Variants in AUTS2 observed in about 807,000 individuals in gnomAD.
AUTS2 encodes autism susceptibility gene 2 protein.
AUTS2 carries 17 observed loss-of-function variants against 112.4 expected under a neutral mutation model. That is an observed-to-expected ratio of 0.15 (90% confidence interval 0.10 to 0.23). The LOEUF (loss-of-function observed/expected upper bound fraction) is 0.23, where lower values mean the gene tolerates loss of function less well. Among genes scored for constraint, AUTS2 ranks in the 10% least tolerant of loss-of-function variants. AUTS2 has a pLI of 1.00. For synonymous variants in AUTS2, 751 were observed against 702.7 expected, an observed-to-expected ratio of 1.07 and a Z score of -1.09; for missense variants, 1,510 against 1,701.6, an observed-to-expected ratio of 0.89 and a Z score of 1.98.
chr7:70,064,389 C>T (rs1055343965), intron 2 of AUTS2, among the ~76,000 whole-genome samples: 8 of 152,160 alleles, frequency 5.3e-5, no homozygotes, highest in African/African-American at 9.7e-5. Flanking sequence ...AGAAATAGCA[C>T]CTTTAACTGG....
intron 3 of AUTS2, chr7:70,118,791 A>T (rs2129572765): frequency 6.6e-6 from 1 of 152,296 alleles, no homozygotes; most frequent in South Asian, 2.1e-4. Flanking sequence ...AAATAAATAA[A>T]TTCCCGTTGG....
intron 5 of AUTS2, among the ~76,000 whole-genome samples, chr7:70,649,499 A>ATTTT (rs371826088): frequency 3.6e-4 from 42 of 116,042 alleles, no homozygotes; most frequent in Non-Finnish European, 6.0e-4. Context: ...GTGGTGATTT[A>ATTTT]TTTTATTTAT....
intron 1 of AUTS2, among the ~76,000 whole-genome samples, chr7:69,710,039 G>C (rs1284222091): frequency 6.6e-6 from 1 of 152,068 alleles, no homozygotes; most frequent in Non-Finnish European, 1.5e-5. Context: ...TTTACTACTT[G>C]GGAGACTCTT....
intron 2 of AUTS2, among the ~76,000 whole-genome samples, chr7:70,031,046 A>G (rs966364174): frequency 2.0e-5 from 3 of 152,142 alleles, no homozygotes; most frequent in African/African-American, 7.2e-5. Context: ...GAAAGAAAGA[A>G]AGGGAGGGAG....
chr7:70,719,996 A>T (rs1810576965), intron 6 of AUTS2, among the ~76,000 whole-genome samples: 1 of 152,188 alleles, frequency 6.6e-6, no homozygotes, highest in South Asian at 2.1e-4. Flanking sequence ...CACAAGTACA[A>T]GCATCTCTTT....
chr7:70,098,706 CT>C (rs1248247686), intron 2 of AUTS2, among the ~76,000 whole-genome samples: 146 of 142,498 alleles, frequency 1.0e-3, no homozygotes, highest in Non-Finnish European at 1.1e-3. Context: ...TTTTTCTTTT[CT>C]TTTTTTTTTT....
intron 2 of AUTS2, among the ~76,000 whole-genome samples, chr7:69,982,232 C>G (rs942717994): frequency 6.6e-6 from 1 of 152,122 alleles, no homozygotes; most frequent in Non-Finnish European, 1.5e-5. Context: ...TTCTTCTTGA[C>G]TGCTCTGCTA....
rs574668057 is a variant in AUTS2 at position 70,663,160 on chromosome 7, C to T, written c.691-35409C>T. 4.6e-5 allele frequency among the ~76,000 whole-genome samples: 7 copies of T among 152,186 alleles called. No homozygotes were observed. The South Asian group carries it at 8.3e-4, about 18-fold the overall frequency. On this transcript the variant is annotated intron_variant, in intron 5 of 18. Transcript: ENST00000342771. ...CTGTAATCCCAGCACTTTGGGAGGC[C>T]GAGGCAGGCGGATCACTTGAGGCCA... is the stretch of plus-strand genomic sequence containing the variant.
At chr7:70,120,268 A>G (rs1379759592) in intron 3 of AUTS2, 4 of 152,200 alleles carry the variant, frequency 2.6e-5, no homozygotes, top group African/African-American at 9.6e-5. Flanking sequence ...GGAATAAAGT[A>G]TAATTATTTT....
intron 5 of AUTS2, among the ~76,000 whole-genome samples, chr7:70,611,950 C>A (rs539162996): frequency 6.6e-6 from 1 of 152,232 alleles, no homozygotes; most frequent in African/African-American, 2.4e-5. Flanking sequence ...ACAAAGGGGG[C>A]CTTAGAAATG....
chr7:70,030,518 A>G (rs1488604367), intron 2 of AUTS2, among the ~76,000 whole-genome samples: 1 of 152,152 alleles, frequency 6.6e-6, no homozygotes, highest in Non-Finnish European at 1.5e-5. Context: ...ATTCTCAGAT[A>G]TGCAAAACAG....
chr7:70,169,739 A>G (rs929725342), intron 4 of AUTS2, among the ~76,000 whole-genome samples: 3 of 152,164 alleles, frequency 2.0e-5, no homozygotes, highest in African/African-American at 7.2e-5. Flanking sequence ...AATGCCTCAA[A>G]CTCATTTAAA....
rs1014188084 is a variant in AUTS2, at chr7:69,599,585, AT to A, written c.-60del. Reference sequence around the variant, plus strand: ...AAGGGGGAGGGAGGGCTCGGTGTCAATTTTTTTTTGTGTGGCTGCGGCCGTA... The same window carrying A: ...AAGGGGGAGGGAGGGCTCGGTGTCAATTTTTTTTGTGTGGCTGCGGCCGTA... On this transcript the variant is annotated 5_prime_UTR_variant, in exon 1 of 19. Transcript: ENST00000342771. The surrounding 1 kb of genome is among the most constrained non-coding windows in gnomAD (Gnocchi z 7.0). 2.7e-4 allele frequency: 323 copies of A among 1,211,432 alleles called. No individual in the cohort carries two copies. Among genetic ancestry groups the A allele is most frequent in the Middle Eastern group, 1.6e-3 (5 of 3,170 alleles). 75.0% of individuals were successfully genotyped at this position (1,211,432 alleles called of 1,614,324 possible). A position where few individuals can be genotyped will look rare whatever the true frequency, so the allele number is the denominator to read the frequency against.
At chr7:70,571,735 A>T (rs1197014914) in intron 5 of AUTS2, among the ~76,000 whole-genome samples, 2 of 152,180 alleles carry the variant, frequency 1.3e-5, no homozygotes, top group Non-Finnish European at 2.9e-5. Flanking sequence ...CCCAGCTGCC[A>T]TGAGGTGTGC....
At chr7:70,722,232 C>T (rs189185553) in intron 6 of AUTS2, among the ~76,000 whole-genome samples, 19 of 152,076 alleles carry the variant, frequency 1.2e-4, no homozygotes, top group African/African-American at 4.1e-4. Context: ...TGTGAATTTC[C>T]TCATGGTGGG....
chr7:69,983,054 C>T (rs1798361203), intron 2 of AUTS2, among the ~76,000 whole-genome samples: 1 of 152,172 alleles, frequency 6.6e-6, no homozygotes, highest in Admixed American at 6.5e-5. Flanking sequence ...CTACCGGAAA[C>T]TAATGGCGTA....
chr7:70,311,905 G>A (rs1444097616), intron 4 of AUTS2, among the ~76,000 whole-genome samples: 6 of 152,160 alleles, frequency 3.9e-5, no homozygotes, highest in East Asian at 1.9e-4. Flanking sequence ...TAGTAGAGAC[G>A]GGGTTTCACC....
intron 1 of AUTS2, among the ~76,000 whole-genome samples, chr7:69,848,915 ATCT>A (rs1792334636): frequency 6.6e-6 from 1 of 152,174 alleles, no homozygotes; most frequent in South Asian, 2.1e-4. Flanking sequence ...TGACTAAATA[ATCT>A]TCAGAAGACA....
chr7:69,685,803 C>G (rs1433095352), intron 1 of AUTS2, among the ~76,000 whole-genome samples: 3 of 151,408 alleles, frequency 2.0e-5, no homozygotes, highest in African/African-American at 2.4e-5. Context: ...AGTGATCCTC[C>G]TAAAGTGCTA....
Sources: gnomAD v4.1 joint callset for allele counts (sites outside exome capture counted in the v4.1 genomes callset) on GRCh38, gnomAD v4.1.1 for gene constraint, Gnocchi (gnomAD v3.1) non-coding constraint, MANE v1.5 for transcripts, NCBI Gene and HGNC (gene_info 2026-07-23, HGNC 2026-07-21) for gene names.